CNGB1: variants seen among roughly 807,000 people sequenced by gnomAD.
CNGB1 encodes cyclic nucleotide gated channel subunit beta 1.
In CNGB1, 126 loss-of-function variants were observed where a neutral mutation model predicts 151.7. The ratio of observed to expected loss-of-function variants is 0.83; its 90% CI spans 0.72 to 0.96. The LOEUF (loss-of-function observed/expected upper bound fraction) is 0.96. CNGB1 is among the 40% of genes least tolerant of loss of function. The pLI is 0.00. For missense variants in CNGB1, 1,698 were observed against 1,627.0 expected, an observed-to-expected ratio of 1.04 and a Z score of -0.75; for synonymous variants, 623 against 635.1, an observed-to-expected ratio of 0.98 and a Z score of 0.29.
Position 57,939,536 on chromosome 16 carries a change from C to T in CNGB1, c.1266G>A (p.Lys422=). Reference sequence around the variant, plus strand: ...CTTCAGCCACCTCCTCGGCCTCCTCCTTGGCCTTCTCTTCAGCCTCCTTCT... The same window carrying T: ...CTTCAGCCACCTCCTCGGCCTCCTCTTTGGCCTTCTCTTCAGCCTCCTTCT... ...EAKKEAEEKA[K]EEAEEVAEEE... The change falls in exon 16 of 33, where the codon AAG becomes AAA. Residue 422 remains lysine, a synonymous_variant. Transcript: ENST00000251102. 1 of 1,614,086 alleles carries T rather than the reference C, an allele frequency of 6.2e-7. No individual in the cohort carries two copies. Among genetic ancestry groups the T allele is most frequent in the Non-Finnish European group, 8.5e-7 (1 of 1,179,944 alleles).
chr16:57,902,378 G>A (rs1459286400), intron 27 of CNGB1, among the ~76,000 whole-genome samples: 3 of 150,048 alleles, frequency 2.0e-5, no homozygotes, highest in African/African-American at 7.4e-5. Context: ...GCCAAGCCAG[G>A]CACTTTTTAA....
intron 1 of CNGB1, among the ~76,000 whole-genome samples, chr16:57,970,431 C>T (rs1158099363): frequency 6.6e-6 from 1 of 152,222 alleles, no homozygotes; most frequent in African/African-American, 2.4e-5. Flanking sequence ...GAAAGGTCAA[C>T]AGAATCGCCT....
At position 57,904,682 on chromosome 16, in the gene CNGB1, G is replaced by A; in HGVS notation, c.2634+52C>T. On this transcript the variant is annotated intron_variant, in intron 26 of 32. Transcript: ENST00000251102. ...AGGGTGACATTTCTGGCAACAGTGG[G>A]AGGGGGCCCTGCAGTCAGGTGGGGT... 5.6e-6 allele frequency: 9 copies of A among 1,612,390 alleles called. No homozygotes were observed. In the South Asian group the frequency reaches 8.8e-5, roughly 16 times the overall value.
intron 1 of CNGB1, among the ~76,000 whole-genome samples, chr16:57,970,340 T>C (rs969802132): frequency 6.6e-6 from 1 of 152,004 alleles, no homozygotes; most frequent in East Asian, 1.9e-4. Flanking sequence ...CTACCCATGA[T>C]CATACTCATC....
chr16:57,895,271 C>A (rs529961669), intron 31 of CNGB1, among the ~76,000 whole-genome samples: 1 of 152,086 alleles, frequency 6.6e-6, no homozygotes, highest in African/African-American at 2.4e-5. Flanking sequence ...CATGGTGAAA[C>A]CCCATCTCTG....
chr16:57,931,302 G>A (rs1961340290), intron 17 of CNGB1, among the ~76,000 whole-genome samples: 4 of 152,008 alleles, frequency 2.6e-5, no homozygotes, highest in African/African-American at 9.7e-5. Context: ...ACAGGAGTGA[G>A]CCACTATGCC....
At chr16:57,948,568 G>A (rs1961866639) in intron 14 of CNGB1, among the ~76,000 whole-genome samples, 4 of 151,644 alleles carry the variant, frequency 2.6e-5, no homozygotes, top group South Asian at 2.1e-4. Flanking sequence ...CCAACCTCTG[G>A]TCTTGTCCAT....
At chr16:57,893,496 A>G (rs1161908255) in intron 31 of CNGB1, among the ~76,000 whole-genome samples, 4 of 151,990 alleles carry the variant, frequency 2.6e-5, no homozygotes, top group African/African-American at 9.7e-5. Context: ...CCTGCACACT[A>G]TTTAATTTTC....
intron 16 of CNGB1, among the ~76,000 whole-genome samples, chr16:57,933,129 T>G: frequency 6.6e-6 from 1 of 152,060 alleles, no homozygotes; most frequent in East Asian, 1.9e-4. Flanking sequence ...GGTCTCACCA[T>G]GTTGCCCAGG....
At position 57,893,414 on chromosome 16, in the gene CNGB1, G is replaced by A. The variant is rs79713880; in HGVS notation, c.3242+3983C>T. 2.2e-3 allele frequency among the ~76,000 whole-genome samples: 337 copies of A among 152,102 alleles called. 1 individual carries two copies. The highest frequency in any genetic ancestry group is 7.7e-3 in the African/African-American group (320 of 41,500). On this transcript the variant is annotated intron_variant, in intron 31 of 32. Coordinates refer to ENST00000251102, the MANE Select transcript of CNGB1 (RefSeq NM_001297.5). ...TGGGATTACAATCATGCAGCATTGC[G>A]CCCGGCCTGAAGTGATCCTTATTAA...
chr16:57,916,737 G>A lies in CNGB1; in HGVS notation c.2166+531C>T, dbSNP rs1305100735. Among the ~76,000 whole-genome samples, 4 of 152,262 alleles carry A rather than the reference G, an allele frequency of 2.6e-5. No individual in the cohort carries two copies. The East Asian group carries it at 5.8e-4, about 22-fold the overall frequency. ...TCCTCCCTGGTAAGGCAGGGGTGGT[G>A]CACGGGGCTGGACCAGAGGCCAGGG... On this transcript the variant is annotated intron_variant, in intron 21 of 32. Transcript: ENST00000251102.
Position 57,962,875 on chromosome 16 carries a change from G to A in CNGB1, c.382-3C>T. On this transcript the variant is annotated splice_polypyrimidine_tract_variant and splice_region_variant and intron_variant, in intron 5 of 32. Coordinates refer to ENST00000251102, the MANE Select transcript of CNGB1 (RefSeq NM_001297.5). ...CCAGTGCTGCCATGCCCCAGGATCTGCCAGGGACAGACAGACAGACATGGG... is the reference window on the plus strand; with the variant it reads ...CCAGTGCTGCCATGCCCCAGGATCTACCAGGGACAGACAGACAGACATGGG... The A allele has an allele frequency of 6.2e-7, 1 of 1,612,550 alleles. No individual in the cohort carries two copies.
chr16:57,925,478 G>T (rs1567380542), intron 17 of CNGB1, among the ~76,000 whole-genome samples: 1 of 152,188 alleles, frequency 6.6e-6, no homozygotes, highest in Non-Finnish European at 1.5e-5. Context: ...AATGCAAGTT[G>T]GGAGTGGTAG....
chr16:57,917,647 C>T (rs982526452), intron 20 of CNGB1, among the ~76,000 whole-genome samples, 171 bp from the exon 21 acceptor site: 18 of 147,840 alleles, frequency 1.2e-4, no homozygotes, highest in African/African-American at 3.8e-4. Context: ...CACACACACA[C>T]ACATACACAC....
intron 18 of CNGB1, 60 bp from the exon 19 acceptor site, chr16:57,920,604 G>A: frequency 6.3e-7 from 1 of 1,595,070 alleles, no homozygotes; most frequent in South Asian, 1.1e-5. Flanking sequence ...TGCACCCCCA[G>A]GCCAGAGCTG....
intron 16 of CNGB1, among the ~76,000 whole-genome samples, chr16:57,937,831 C>T (rs1371313571): frequency 6.6e-6 from 1 of 152,164 alleles, no homozygotes; most frequent in Non-Finnish European, 1.5e-5. Context: ...GAAGGTTTGA[C>T]AATTTCTGTT....
At chr16:57,959,168 G>A (rs1567396654) in intron 10 of CNGB1, among the ~76,000 whole-genome samples, 1 of 151,956 alleles carries the variant, frequency 6.6e-6, no homozygotes, top group Non-Finnish European at 1.5e-5. Flanking sequence ...TATTGACTGT[G>A]GCAAAAGAGT....
chr16:57,883,371 C>CA lies in CNGB1; in HGVS notation c.*792dup, dbSNP rs1437496600. 6.5e-6 allele frequency: 1 copy of CA among 152,710 alleles called. No homozygotes were observed. The highest frequency in any genetic ancestry group is 6.5e-5 in the Admixed American group (1 of 15,276). 9.5% of individuals were successfully genotyped at this position (152,710 alleles called of 1,614,324 possible). ...CAGGCTGGTCTTGAACTCCTGGTCT[C>CA]AAACAATCCTCCCATCTCAGCTTCC... On this transcript the variant is annotated 3_prime_UTR_variant, in exon 33 of 33. Coordinates refer to ENST00000251102, the MANE Select transcript of CNGB1 (RefSeq NM_001297.5).
At chr16:57,956,044 A>T (rs2149384369) in intron 12 of CNGB1, among the ~76,000 whole-genome samples, 1 of 152,096 alleles carries the variant, frequency 6.6e-6, no homozygotes, top group South Asian at 2.1e-4. Context: ...TCCACCCATA[A>T]CCCATATGCT....
Sources: gnomAD v4.1 joint callset for allele counts (sites outside exome capture counted in the v4.1 genomes callset) on GRCh38, gnomAD v4.1.1 for gene constraint, MANE v1.5 for transcripts, NCBI Gene and HGNC (gene_info 2026-07-23, HGNC 2026-07-21) for gene names.